The following CAPN8 variants were observed in gnomAD, a reference collection of about 807,000 sequenced individuals.
The protein encoded by CAPN8 is calpain-8.
A neutral mutation model predicts 80.9 loss-of-function variants in CAPN8; 87 were observed. That is an observed-to-expected ratio of 1.07 (90% confidence interval 0.90 to 1.28). The LOEUF (loss-of-function observed/expected upper bound fraction) is 1.28. Among genes scored for constraint, CAPN8 ranks in the 50% most tolerant of loss-of-function variants. The probability of loss-of-function intolerance (pLI) is 0.00; values close to 1 mark genes in which losing one functional copy is unlikely to be tolerated. For missense variants in CAPN8, 757 were observed against 702.0 expected (o/e 1.08, Z -0.89); for synonymous variants, 299 against 273.8 (o/e 1.09, Z -0.91).
At chr1:223,632,673 T>A (rs1657806092) in intron 2 of CAPN8, among the ~76,000 whole-genome samples, 1 of 152,124 alleles carries the variant, frequency 6.6e-6, no homozygotes, top group South Asian at 2.1e-4. Context: ...CCTGACTAAT[T>A]TTCAATTTTT....
Position 223,635,505 on chromosome 1 carries a change from C to T in CAPN8, c.308-6725G>A, listed in dbSNP as rs558631035. Among the ~76,000 whole-genome samples, 3 of 152,378 alleles carry T rather than the reference C, an allele frequency of 2.0e-5. No individual in the cohort carries two copies. The South Asian group carries it at 6.2e-4, about 32-fold the overall frequency. On this transcript the variant is annotated intron_variant, in intron 2 of 20. Transcript: ENST00000366872. ...GCTAGACTTGGAAGCTGCCTGGAGG[C>T]AGACAGTGGGCCTGGTGGTTCTCAC...
In CAPN8 at chr1:223,541,869, A is replaced by G. The variant is rs1364633563; in HGVS notation, c.2089-10T>C. ...ACACGCAGCACAGCCACTGCAAAGG[A>G]AAGGGACAAGATTGAGTCTTGGCTT... On this transcript the variant is annotated splice_polypyrimidine_tract_variant and intron_variant, in intron 20 of 20. Coordinates refer to ENST00000366872, the MANE Select transcript of CAPN8 (RefSeq NM_001143962.2). 1.3e-6 allele frequency: 2 copies of G among 1,524,738 alleles called. No homozygotes were observed. Among genetic ancestry groups the G allele is most frequent in the South Asian group, 1.2e-5 (1 of 83,000 alleles). 94.5% of individuals were successfully genotyped at this position (1,524,738 alleles called of 1,614,324 possible).
chr1:223,626,494 G>A (rs1211961564), intron 5 of CAPN8, among the ~76,000 whole-genome samples: 2 of 152,156 alleles, frequency 1.3e-5, no homozygotes, highest in African/African-American at 4.8e-5. Flanking sequence ...AGGGCTGGGG[G>A]CCTCCAGCCT....
chr1:223,543,374 C>A (rs1409153966), intron 19 of CAPN8, among the ~76,000 whole-genome samples: 1 of 152,080 alleles, frequency 6.6e-6, no homozygotes, highest in Non-Finnish European at 1.5e-5. Context: ...CAGATGCCCC[C>A]CTGCCGAAAC....
intron 9 of CAPN8, chr1:223,616,932 C>A (rs533993897): frequency 5.5e-4 from 84 of 152,264 alleles, no homozygotes; most frequent in African/African-American, 2.0e-3. Flanking sequence ...TTTTTTAAAT[C>A]TCTCAGAATA....
intron 12 of CAPN8, among the ~76,000 whole-genome samples, chr1:223,558,538 G>A (rs1226392318): frequency 6.6e-6 from 1 of 152,160 alleles, no homozygotes; most frequent in Non-Finnish European, 1.5e-5. Flanking sequence ...AAGCCAGCAA[G>A]CCCACAGCCC....
At chr1:223,652,070 G>A (rs887853596) in intron 2 of CAPN8, among the ~76,000 whole-genome samples, 8 of 152,120 alleles carry the variant, frequency 5.3e-5, no homozygotes, top group Non-Finnish European at 1.2e-4. Context: ...AAATAATGAT[G>A]AAATAATCAC....
chr1:223,551,206 A>G lies in CAPN8; in HGVS notation c.1642-189T>C, dbSNP rs569474380. On this transcript the variant is annotated intron_variant, in intron 14 of 20. Transcript: ENST00000366872. ...CACTCAAGCTGGAGTGTAGTGCCGCAATCTCTGCTCACTGCAACCTCCATT... is the reference window on the plus strand; with the variant it reads ...CACTCAAGCTGGAGTGTAGTGCCGCGATCTCTGCTCACTGCAACCTCCATT... 3.3e-5 allele frequency among the ~76,000 whole-genome samples: 5 copies of G among 152,076 alleles called. No homozygotes were observed. In the South Asian group the frequency reaches 1.0e-3, roughly 32 times the overall value.
intron 1 of CAPN8, among the ~76,000 whole-genome samples, chr1:223,660,022 A>C (rs1658603802): frequency 6.6e-6 from 1 of 152,184 alleles, no homozygotes; most frequent in African/African-American, 2.4e-5. Flanking sequence ...TCATGGCTAA[A>C]CTGAAAACTC....
Position 223,622,915 on chromosome 1 carries a change from C to A in CAPN8, c.814-15G>T. The A allele has an allele frequency of 1.3e-6, 2 of 1,545,642 alleles. No individual in the cohort carries two copies. Among genetic ancestry groups the A allele is most frequent in the Non-Finnish European group, 1.8e-6 (2 of 1,141,506 alleles). On this transcript the variant is annotated splice_polypyrimidine_tract_variant and intron_variant, in intron 6 of 20. Transcript: ENST00000366872. Reference sequence around the variant, plus strand: ...TGGAAATTCACCTGCAAATTCCATACACAGAAAAGCGACTGAATTACTATG... The same window carrying A: ...TGGAAATTCACCTGCAAATTCCATAAACAGAAAAGCGACTGAATTACTATG...
Position 223,553,897 on chromosome 1 carries a change from G to A in CAPN8, c.1576C>T (p.His526Tyr). 1 of 398,640 alleles carries A rather than the reference G, an allele frequency of 2.5e-6. No homozygotes were observed. Among genetic ancestry groups the A allele is most frequent in the Non-Finnish European group, 4.4e-6 (1 of 226,076 alleles). 24.7% of individuals were successfully genotyped at this position (398,640 alleles called of 1,614,324 possible). ...DVVAGNPYEP[H>Y]PSEVDQEDDQ... ...TCTTCCTGATCCACCTCACTGGGAT[G>A]TGGCTAAAAAGAAGGACATTTGCAA... Residue 526 changes from histidine (H) to tyrosine (Y), a missense_variant, in exon 14 of 21, where the codon CAT becomes TAT. Transcript: ENST00000366872.
intron 9 of CAPN8, among the ~76,000 whole-genome samples, chr1:223,618,917 C>T (rs376644585): frequency 6.6e-6 from 1 of 152,162 alleles, no homozygotes; most frequent in Non-Finnish European, 1.5e-5. Context: ...GGGCTGGGCA[C>T]GGTGGCTCAC....
At chr1:223,637,745 A>C (rs1196909579) in intron 2 of CAPN8, among the ~76,000 whole-genome samples, 2 of 152,132 alleles carry the variant, frequency 1.3e-5, no homozygotes, top group African/African-American at 2.4e-5. Context: ...GAGAGACCTA[A>C]AGATCACCAT....
At chr1:223,633,204 A>C (rs1285062587) in intron 2 of CAPN8, among the ~76,000 whole-genome samples, 1 of 152,172 alleles carries the variant, frequency 6.6e-6, no homozygotes, top group Non-Finnish European at 1.5e-5. Flanking sequence ...ATGACTACAG[A>C]GTGATTTGGT....
At chr1:223,542,643 G>A (rs912009712) in intron 20 of CAPN8, among the ~76,000 whole-genome samples, 4 of 152,150 alleles carry the variant, frequency 2.6e-5, no homozygotes, top group Non-Finnish European at 2.9e-5. Flanking sequence ...GGGGTGCAGT[G>A]TCCACGGGGG....
chr1:223,650,935 C>A (rs1190748320), intron 2 of CAPN8, among the ~76,000 whole-genome samples: 1 of 152,180 alleles, frequency 6.6e-6, no homozygotes, highest in Admixed American at 6.5e-5. Context: ...GGGAGAGAGA[C>A]TGTGCTGGAA....
intron 2 of CAPN8, among the ~76,000 whole-genome samples, chr1:223,644,784 T>C (rs768233897): frequency 5.3e-5 from 8 of 152,176 alleles, no homozygotes; most frequent in Non-Finnish European, 1.0e-4. Context: ...CAGTCCCTGC[T>C]ACTCTCTCTT....
In CAPN8 at chr1:223,619,377, C is replaced by G. The variant is rs200538064; in HGVS notation, c.1051G>C (p.Glu351Gln). ...CNLSPDSLSSEEVHKWNLVLF... is the reference protein window; with the variant it reads ...CNLSPDSLSSQEVHKWNLVLF... ...ACCAGGTTCCATTTGTGCACCTCCTCGCTACTCAGAGAGTCCGGGGACAGG... is the reference window on the plus strand; with the variant it reads ...ACCAGGTTCCATTTGTGCACCTCCTGGCTACTCAGAGAGTCCGGGGACAGG... The change falls in exon 9 of 21, where the codon GAG (glutamate) becomes CAG (glutamine). Residue 351 changes from glutamate to glutamine, a missense_variant. Coordinates refer to ENST00000366872, the MANE Select transcript of CAPN8 (RefSeq NM_001143962.2). 1 of 1,551,566 alleles carries G rather than the reference C, an allele frequency of 6.4e-7. No individual in the cohort carries two copies. The highest frequency in any genetic ancestry group is 8.7e-7 in the Non-Finnish European group (1 of 1,147,012).
At chr1:223,651,219 T>C (rs937125922) in intron 2 of CAPN8, among the ~76,000 whole-genome samples, 1 of 152,036 alleles carries the variant, frequency 6.6e-6, no homozygotes, top group African/African-American at 2.4e-5. Flanking sequence ...TGAAGAACTC[T>C]CTTTCTCAGT....
Sources: allele counts gnomAD v4.1 joint callset (sites outside exome capture counted in the v4.1 genomes callset), GRCh38; gene constraint gnomAD v4.1.1; transcripts MANE v1.5; gene names NCBI Gene and HGNC (gene_info 2026-07-23, HGNC 2026-07-21).